The following FHOD1 variants were observed in gnomAD, a reference collection of about 807,000 sequenced individuals.
The protein encoded by FHOD1 is FH1/FH2 domain-containing protein 1.
FHOD1 carries 89 observed loss-of-function variants against 111.6 expected under a neutral mutation model. The observed-to-expected ratio is 0.80, with a 90% CI of 0.67 to 0.95. The LOEUF (loss-of-function observed/expected upper bound fraction) is 0.95. Among genes scored for constraint, FHOD1 ranks in the 40% least tolerant of loss-of-function variants. The pLI is 0.00. For missense variants in FHOD1, 1,446 were observed against 1,554.2 expected (o/e 0.93, Z 1.17); for synonymous variants, 618 against 639.0 (o/e 0.97, Z 0.50).
At chr16:67,240,625 A>G (rs2034637925) in intron 1 of FHOD1, among the ~76,000 whole-genome samples, 1 of 152,172 alleles carries the variant, frequency 6.6e-6, no homozygotes, top group African/African-American at 2.4e-5. Context: ...TGCTCCATCC[A>G]CGTGTCCATG....
chr16:67,247,095 CTT>C (rs2034882671), intron 1 of FHOD1, 113 bp downstream of exon 1: 2 of 1,268,828 alleles, frequency 1.6e-6, no homozygotes, highest in Admixed American at 2.9e-5. Flanking sequence ...CAGCCCAAGA[CTT>C]TTCCGGAGAA....
chr16:67,229,693 G>C lies in FHOD1; in HGVS notation c.3438C>G (p.Leu1146=). The change falls in exon 22 of 22, where the codon CTC becomes CTG. Residue 1146 remains leucine (L), a synonymous_variant. Coordinates refer to ENST00000258201, the MANE Select transcript of FHOD1 (RefSeq NM_013241.3). The part of the protein sequence containing the change: ...KSLRRTLKSG[L]GDDLVQALGL... ...CCAGTGCCTGCACCAGGTCATCTCC[G>C]AGCCCACTCTTCAACGTCCTTCTCA... 6.2e-7 allele frequency: 1 copy of C among 1,614,200 alleles called. No individual in the cohort carries two copies. The highest frequency in any genetic ancestry group is 8.5e-7 in the Non-Finnish European group (1 of 1,180,032).
Position 67,232,112 on chromosome 16 carries a change from A to T in FHOD1, c.2129T>A (p.Leu710Gln), listed in dbSNP as rs1247336870. Residue 710 changes from leucine (L) to glutamine (Q), a missense_variant, in exon 14 of 22, where the codon CTG becomes CAG. By Grantham distance (113) the Leu-to-Gln change is moderately radical (BLOSUM62 -2). Coordinates refer to ENST00000258201, the MANE Select transcript of FHOD1 (RefSeq NM_013241.3). ...AGCCTTAATGACATGCACAGGTGGC[A>T]GTGTGGTTAGGCCGATGTTGATGGC... is the stretch of plus-strand genomic sequence containing the variant. ...SNAINIGLTTLPPVHVIKAAL... is the reference protein window; with the variant it reads ...SNAINIGLTTQPPVHVIKAAL... 6.2e-7 allele frequency: 1 copy of T among 1,614,110 alleles called. No individual in the cohort carries two copies. Among genetic ancestry groups the T allele is most frequent in the Non-Finnish European group, 8.5e-7 (1 of 1,180,038 alleles).
chr16:67,232,518 CA>C (rs988902359), intron 13 of FHOD1, among the ~76,000 whole-genome samples: 995 of 48,628 alleles, frequency 0.02, 8 homozygotes, highest in East Asian at 0.055. Flanking sequence ...GACTCTGTCT[CA>C]AAAAAAAAAA....
chr16:67,236,649 G>A lies in FHOD1; in HGVS notation c.1227C>T (p.Gly409=). The change falls in exon 11 of 22, where the codon GGC becomes GGT. Residue 409 remains glycine, a synonymous_variant. Transcript: ENST00000258201. ...LLTGPASSPV[G]PPSGLQASVN... is the part of the protein sequence containing the mutation. ...CTGAAGCTTGGAGACCGGAGGGAGGGCCCACAGGGCTGGAGGCGGGGCCTG... is the reference window on the plus strand; with the variant it reads ...CTGAAGCTTGGAGACCGGAGGGAGGACCCACAGGGCTGGAGGCGGGGCCTG... The A allele has an allele frequency of 6.2e-7, 1 of 1,612,264 alleles. No individual in the cohort carries two copies. The highest frequency in any genetic ancestry group is 8.5e-7 in the Non-Finnish European group (1 of 1,179,262).
At position 67,234,448 on chromosome 16, in the gene FHOD1, C is replaced by T. The variant is rs146332890; in HGVS notation, c.1344G>A (p.Ala448=). Residue 448 remains alanine (A), a synonymous_variant, in exon 12 of 22, where the codon GCG becomes GCA. Transcript: ENST00000258201. The stretch of plus-strand genomic sequence containing the variant: ...CAACCTGCTTCTCTGTTTCTGCTGC[C>T]GCCACATTCTCCAGGAACCGGGCTC... ...IYKARFLENV[A]AAETEKQVAL... is the part of the protein sequence containing the mutation. 4.4e-4 allele frequency: 703 copies of T among 1,602,972 alleles called. 3 individuals are homozygous for T. Among genetic ancestry groups the T allele is most frequent in the Middle Eastern group, 5.0e-4 (3 of 5,964 alleles).
At position 67,230,231 on chromosome 16, in the gene FHOD1, G is replaced by A; in HGVS notation, c.3052-3C>T. 4 of 1,613,882 alleles carry A rather than the reference G, an allele frequency of 2.5e-6. No individual in the cohort carries two copies. The highest frequency in any genetic ancestry group is 2.5e-6 in the Non-Finnish European group (3 of 1,179,842). On this transcript the variant is annotated splice_region_variant and splice_polypyrimidine_tract_variant and intron_variant, in intron 19 of 21. Transcript: ENST00000258201. ...GCCACACCTGAGAACTTCTCTGTCT[G>A]GAGAAAGAAGAAGGGTGAGCTGGGA...
chr16:67,236,530 C>T, intron 11 of FHOD1, 27 bp downstream of exon 11: 1 of 1,606,020 alleles, frequency 6.2e-7, no homozygotes, highest in African/African-American at 1.3e-5. Flanking sequence ...GAGAGGACTC[C>T]AGGGTGGCCT....
Position 67,231,276 on chromosome 16 carries a change from A to T in FHOD1, c.2579T>A (p.Leu860Gln), listed in dbSNP as rs1473529788. 3 of 1,614,038 alleles carry T rather than the reference A, an allele frequency of 1.9e-6. No individual in the cohort carries two copies. Among genetic ancestry groups the T allele is most frequent in the African/African-American group, 2.7e-5 (2 of 74,930 alleles). ...GAGCACTAGGGAGCAGAGATGGTGT[A>T]GCAGTGACTGTCGACGCACCGTGTC... ...VKDTVRRQSL[L>Q]HHLCSLVLQT... Residue 860 changes from leucine to glutamine, a missense_variant, in exon 17 of 22, where the codon CTA becomes CAA. Coordinates refer to ENST00000258201, the MANE Select transcript of FHOD1 (RefSeq NM_013241.3). This position sits in a 1 kb window ranked among gnomAD's most constrained non-coding sequence, Gnocchi z 4.3.
rs907847751 is a variant in FHOD1 at position 67,230,616 on chromosome 16, C to T, written c.2843G>A (p.Arg948His). Residue 948 changes from arginine to histidine, a missense_variant, in exon 18 of 22, where the codon CGC becomes CAC. By Grantham distance (29) the Arg-to-His change is conservative. Coordinates refer to ENST00000258201, the MANE Select transcript of FHOD1 (RefSeq NM_013241.3). Reference sequence around the variant, plus strand: ...ATGCCCCTACCTATTGCAGACACGGCGGTGCACTATCCTTAGCATGGCAAC... The same window carrying T: ...ATGCCCCTACCTATTGCAGACACGGTGGTGCACTATCCTTAGCATGGCAAC... Reference protein sequence around the residue: ...RRVAMLRIVHRRVCNRFHAFL... With the variant: ...RRVAMLRIVHHRVCNRFHAFL... The T allele has an allele frequency of 7.4e-6, 12 of 1,614,044 alleles. No individual in the cohort carries two copies. The highest frequency in any genetic ancestry group is 3.3e-5 in the South Asian group (3 of 91,082).
Position 67,236,647 on chromosome 16 carries a change from G to C in FHOD1, c.1229C>G (p.Pro410Arg). The C allele has an allele frequency of 6.2e-7, 1 of 1,612,380 alleles. No homozygotes were observed. The highest frequency in any genetic ancestry group is 1.1e-5 in the South Asian group (1 of 90,552). The change falls in exon 11 of 22, where the codon CCT (proline) becomes CGT (arginine). Residue 410 changes from proline to arginine, a missense_variant. By Grantham distance (103) the Pro-to-Arg change is moderately radical. Around this residue, in one of 3 missense-constraint regions of FHOD1, gnomAD observed 1,085 missense variants for 1,108.8 expected, o/e 0.98. Transcript: ENST00000258201. Reference protein sequence around the residue: ...LTGPASSPVGPPSGLQASVNL... With the variant: ...LTGPASSPVGRPSGLQASVNL... ...CACTGAAGCTTGGAGACCGGAGGGA[G>C]GGCCCACAGGGCTGGAGGCGGGGCC...
rs1413971720 is a variant in FHOD1 at position 67,238,912 on chromosome 16, C to T, written c.364G>A (p.Ala122Thr). 6 of 1,614,190 alleles carry T rather than the reference C, an allele frequency of 3.7e-6. No individual in the cohort carries two copies. The highest frequency in any genetic ancestry group is 1.1e-5 in the South Asian group (1 of 91,088). ...LRTQLSVRVNAILEKLYSSSG... is the reference protein window; with the variant it reads ...LRTQLSVRVNTILEKLYSSSG... ...GCTCTCACACACTCACCCAAGATAG[C>T]GTTGACCCTCACAGAGAGCTGGGTC... Residue 122 changes from alanine (A) to threonine (T), a missense_variant, in exon 3 of 22, where the codon GCT becomes ACT. Coordinates refer to ENST00000258201, the MANE Select transcript of FHOD1 (RefSeq NM_013241.3). The surrounding 1 kb of genome is among the most constrained non-coding windows in gnomAD (Gnocchi z 4.2).
At chr16:67,232,368 A>C (rs2034312359) in intron 13 of FHOD1, among the ~76,000 whole-genome samples, 174 bp from the exon 14 acceptor site, 1 of 151,958 alleles carries the variant, frequency 6.6e-6, no homozygotes, top group Non-Finnish European at 1.5e-5. Flanking sequence ...ATACAAAAAA[A>C]ATTAGCTGGG....
chr16:67,236,847 G>A (rs2034500358), intron 10 of FHOD1, 114 bp from the exon 11 acceptor site: 1 of 1,428,910 alleles, frequency 7.0e-7, no homozygotes, highest in Non-Finnish European at 9.4e-7. Context: ...CAGGCCCAGT[G>A]GAGGAGGTGG....
chr16:67,230,865 G>C (rs879482441), intron 17 of FHOD1, 74 bp from the exon 18 acceptor site: 3 of 1,451,908 alleles, frequency 2.1e-6, no homozygotes, highest in Non-Finnish European at 2.8e-6. Context: ...GCTGCTTCTG[G>C]GCCAGAGTGG....
rs767241777 is a variant in FHOD1 at position 67,247,381 on chromosome 16, T to G, written c.30A>C (p.Gly10=). ...TCACGGTCACCACTGATACCGGCTC[T>G]CCGTCCCCGCGGTCTTCCCCGCCCG... The part of the protein sequence containing the change: MAGGEDRGD[G]EPVSVVTVRV... The change falls in exon 1 of 22, where the codon GGA becomes GGC. Residue 10 remains glycine (G), a synonymous_variant. Transcript: ENST00000258201. The G allele has an allele frequency of 6.2e-7, 1 of 1,613,048 alleles. No individual in the cohort carries two copies. Among genetic ancestry groups the G allele is most frequent in the Admixed American group, 1.7e-5 (1 of 59,986 alleles).
At position 67,237,532 on chromosome 16, in the gene FHOD1, C is replaced by T. The variant is rs2034535632; in HGVS notation, c.792G>A (p.Glu264=). The T allele has an allele frequency of 1.2e-6, 2 of 1,614,052 alleles. No individual in the cohort carries two copies. Among genetic ancestry groups the T allele is most frequent in the Admixed American group, 1.7e-5 (1 of 59,996 alleles). Reference sequence around the variant, plus strand: ...ACTCAGGGTCAGCGCCATTCTTCTCCTCCAGGATGGACACCAGATTGGCCC... The same window carrying T: ...ACTCAGGGTCAGCGCCATTCTTCTCTTCCAGGATGGACACCAGATTGGCCC... ...PPWANLVSIL[E]EKNGADPELL... Residue 264 remains glutamate (E), a synonymous_variant, in exon 8 of 22, where the codon GAG becomes GAA. Coordinates refer to ENST00000258201, the MANE Select transcript of FHOD1 (RefSeq NM_013241.3). This position sits in a 1 kb window ranked among gnomAD's most constrained non-coding sequence, Gnocchi z 5.6.
At chr16:67,236,466 G>C in intron 11 of FHOD1, 91 bp downstream of exon 11, 17 of 1,548,986 alleles carry the variant, frequency 1.1e-5, no homozygotes, top group Non-Finnish European at 1.5e-5. Flanking sequence ...GCACGCGTTT[G>C]GGCAGAGGAG....
chr16:67,230,755 G>A lies in FHOD1; in HGVS notation c.2704C>T (p.Leu902=). ...FEQLTENLGQ[L]ERRSRAAEES... ...TCGGCTGCCCGGCTCCGGCGCTCCA[G>A]CTGCCCCAGGTTCTCAGTCAGCTGT... Residue 902 remains leucine, a synonymous_variant, in exon 18 of 22, where the codon CTG becomes TTG. Coordinates refer to ENST00000258201, the MANE Select transcript of FHOD1 (RefSeq NM_013241.3). 1.9e-6 allele frequency: 3 copies of A among 1,607,118 alleles called. 1 individual carries two copies. The South Asian group carries it at 3.3e-5, about 18-fold the overall frequency.
Sources: gnomAD v4.1 joint callset for allele counts (sites outside exome capture counted in the v4.1 genomes callset) on GRCh38, gnomAD v4.1.1 for gene constraint, gnomAD v4.1.1 regional missense constraint, Gnocchi (gnomAD v3.1) non-coding constraint, MANE v1.5 for transcripts, NCBI Gene and HGNC (gene_info 2026-07-23, HGNC 2026-07-21) for gene names.